IFT88: variants seen among roughly 807,000 people sequenced by gnomAD.
IFT88 encodes the protein intraflagellar transport 88.
Under a neutral mutation model 119.5 loss-of-function variants are expected in IFT88, and 74 were observed. The ratio of observed to expected loss-of-function variants is 0.62; its 90% CI spans 0.51 to 0.75. The LOEUF (loss-of-function observed/expected upper bound fraction) is 0.75, where lower values mean the gene tolerates loss of function less well. IFT88 is among the 30% of genes least tolerant of loss of function. The pLI is 0.00. For missense variants in IFT88, 961 were observed against 977.7 expected (o/e 0.98, Z 0.23); for synonymous variants, 279 against 316.7 (o/e 0.88, Z 1.26).
chr13:20,684,482 A>G (rs2057673808), intron 24 of IFT88, among the ~76,000 whole-genome samples: 2 of 152,172 alleles, frequency 1.3e-5, no homozygotes, highest in South Asian at 2.1e-4. Context: ...CTTGTCATCT[A>G]TATAGAAAGG....
intron 24 of IFT88, among the ~76,000 whole-genome samples, chr13:20,674,702 T>TTA (rs1177876016): frequency 0.017 from 1,556 of 90,506 alleles, 44 homozygotes; most frequent in South Asian, 0.058. Context: ...AACTGAAGTT[T>TTA]TATATATATA....
rs138173338 is a variant in IFT88 at position 20,652,540 on chromosome 13, C to T, written c.1950-1336C>T. Among the ~76,000 whole-genome samples the T allele has an allele frequency of 1.8e-3, 268 of 151,518 alleles. 5 individuals are homozygous for T. The East Asian group carries it at 0.038, about 21-fold the overall frequency. ...TCCCAGCTACTTGGGAGGCTGAGCCCGGGAAGGGGAGGTTACAGTGAGCTG... is the reference window on the plus strand; with the variant it reads ...TCCCAGCTACTTGGGAGGCTGAGCCTGGGAAGGGGAGGTTACAGTGAGCTG... On this transcript the variant is annotated intron_variant, in intron 20 of 25. Coordinates refer to ENST00000351808, the MANE Select transcript of IFT88 (RefSeq NM_006531.5).
chr13:20,658,544 G>A (rs2314238), intron 22 of IFT88, among the ~76,000 whole-genome samples: 6,523 of 152,288 alleles, frequency 0.043, 184 homozygotes, highest in Middle Eastern at 0.075. Context: ...GAGATTAAAT[G>A]AGAGATAGCA....
Position 20,597,017 on chromosome 13 carries a change from C to G in IFT88, c.492C>G (p.Ala164=), listed in dbSNP as rs372502516. The G allele has an allele frequency of 1.5e-4, 232 of 1,589,586 alleles. 1 individual carries two copies. Among genetic ancestry groups the G allele is most frequent in the Non-Finnish European group, 1.7e-4 (196 of 1,166,822 alleles). The change falls in exon 9 of 26, where the codon GCC becomes GCG. Residue 164 remains alanine, a splice_region_variant and synonymous_variant. Transcript: ENST00000351808. The part of the protein sequence containing the change: ...IANSCGDLKL[A]LEKAKDAGRK... ...ACAAGGTATAAATCTGATTTCAGGC[C>G]TTAGAAAAGGCAAAAGATGCAGGAA...
Position 20,690,786 on chromosome 13 carries a change from C to T in IFT88, c.2324C>T (p.Pro775Leu). ...AGAGCTTTACCTGGGACAAATGAACCTTATGAAAGTAGCAGTAACAAAGAA... is the reference window on the plus strand; with the variant it reads ...AGAGCTTTACCTGGGACAAATGAACTTTATGAAAGTAGCAGTAACAAAGAA... ...RLRALPGTNE[P>L]YESSSNKEID... Residue 775 changes from proline (P) to leucine (L), a missense_variant, in exon 25 of 26, where the codon CCT becomes CTT. Physicochemically the swap from Pro to Leu is moderately conservative, Grantham distance 98. Coordinates refer to ENST00000351808, the MANE Select transcript of IFT88 (RefSeq NM_006531.5). 6.2e-7 allele frequency: 1 copy of T among 1,613,280 alleles called. No homozygotes were observed. The highest frequency in any genetic ancestry group is 8.5e-7 in the Non-Finnish European group (1 of 1,179,294).
intron 20 of IFT88, among the ~76,000 whole-genome samples, chr13:20,651,425 CACATGTTTGTGT>C (rs1302006977): frequency 6.9e-6 from 1 of 144,944 alleles, no homozygotes; most frequent in Non-Finnish European, 1.5e-5. Context: ...CAGATACTTA[CACATGTTTGTGT>C]AAGTATCTGA....
intron 23 of IFT88, among the ~76,000 whole-genome samples, chr13:20,666,052 C>CA (rs2054618003): frequency 6.6e-6 from 1 of 152,168 alleles, no homozygotes; most frequent in African/African-American, 2.4e-5. Context: ...CCCTTAACTA[C>CA]GTAACAAGTA....
At chr13:20,630,630 C>G (rs2048067850) in intron 15 of IFT88, among the ~76,000 whole-genome samples, 1 of 152,000 alleles carries the variant, frequency 6.6e-6, no homozygotes, top group South Asian at 2.1e-4. Context: ...AACTCCTGAC[C>G]TCAAGCAATT....
chr13:20,673,172 C>G (rs1382009720), intron 24 of IFT88, among the ~76,000 whole-genome samples: 1 of 152,188 alleles, frequency 6.6e-6, no homozygotes, highest in Non-Finnish European at 1.5e-5. Context: ...ATCTTAAGTT[C>G]AGAATAACCA....
chr13:20,619,298 C>T (rs924271657), intron 14 of IFT88, among the ~76,000 whole-genome samples: 1 of 152,152 alleles, frequency 6.6e-6, no homozygotes, highest in African/African-American at 2.4e-5. Context: ...ACATTGTTAG[C>T]ACATTACAAA....
At chr13:20,637,339 G>C (rs1394946578) in intron 16 of IFT88, among the ~76,000 whole-genome samples, 1 of 152,184 alleles carries the variant, frequency 6.6e-6, no homozygotes, top group Admixed American at 6.5e-5. Context: ...GAGTGTTATG[G>C]GAAAAGGGGC....
chr13:20,676,189 C>T (rs551634233), intron 24 of IFT88, among the ~76,000 whole-genome samples: 11 of 152,290 alleles, frequency 7.2e-5, no homozygotes, highest in Admixed American at 3.3e-4. Context: ...AGTTTTCAGT[C>T]CTTGTCATAA....
intron 13 of IFT88, among the ~76,000 whole-genome samples, chr13:20,614,819 T>TTC (rs2045308680): frequency 7.0e-6 from 1 of 141,956 alleles, no homozygotes; most frequent in South Asian, 2.3e-4. Flanking sequence ...TTTCTTTTCT[T>TTC]TTTTTTTTTT....
At chr13:20,655,836 G>T (rs2052684809) in intron 21 of IFT88, among the ~76,000 whole-genome samples, 1 of 152,094 alleles carries the variant, frequency 6.6e-6, no homozygotes, top group African/African-American at 2.4e-5. Context: ...CCAACTAAAT[G>T]AATGACATTG....
intron 17 of IFT88, among the ~76,000 whole-genome samples, chr13:20,639,190 G>A (rs1418790609): frequency 6.6e-6 from 1 of 152,064 alleles, no homozygotes; most frequent in African/African-American, 2.4e-5. Context: ...CCCTGCCTAG[G>A]TATTTTTTGC....
At position 20,597,053 on chromosome 13, in the gene IFT88, A is replaced by C. The variant is rs2041770057; in HGVS notation, c.528A>C (p.Arg176Ser). Residue 176 changes from arginine to serine, a missense_variant, in exon 9 of 26, where the codon AGA becomes AGC. Coordinates refer to ENST00000351808, the MANE Select transcript of IFT88 (RefSeq NM_006531.5). ...CAAAAGATGCAGGAAGAAAAGAGAG[A>C]GTCCTGGTGAGACAGCGAGAACAAG... ...EKAKDAGRKE[R>S]VLVRQREQVT... 6.2e-7 allele frequency: 1 copy of C among 1,607,734 alleles called. No homozygotes were observed. The highest frequency in any genetic ancestry group is 1.7e-5 in the Admixed American group (1 of 59,158).
intron 15 of IFT88, among the ~76,000 whole-genome samples, chr13:20,628,909 T>C (rs2047755936): frequency 6.6e-6 from 1 of 152,190 alleles, no homozygotes; most frequent in African/African-American, 2.4e-5. Flanking sequence ...ACAATGTATA[T>C]ATCAAAATTT....
chr13:20,681,526 G>A (rs1461752430), intron 24 of IFT88, among the ~76,000 whole-genome samples: 1 of 152,204 alleles, frequency 6.6e-6, no homozygotes, highest in East Asian at 1.9e-4. Context: ...CATTAACATG[G>A]GTTAAATTGT....
intron 2 of IFT88, 56 bp from the exon 3 acceptor site, chr13:20,582,901 T>C: frequency 1.4e-6 from 2 of 1,394,938 alleles, no homozygotes; most frequent in Non-Finnish European, 2.0e-6. Flanking sequence ...TTTAAACTTA[T>C]TTTTTCCCCC....
Sources: gnomAD v4.1 joint callset for allele counts (sites outside exome capture counted in the v4.1 genomes callset) on GRCh38, gnomAD v4.1.1 for gene constraint, MANE v1.5 for transcripts, NCBI Gene and HGNC (gene_info 2026-07-23, HGNC 2026-07-21) for gene names.